The following GALNT12 variants were observed in gnomAD, a reference collection of about 807,000 sequenced individuals.
The protein encoded by GALNT12 is polypeptide N-acetylgalactosaminyltransferase 12.
GALNT12 carries 45 observed loss-of-function variants against 55.5 expected under a neutral mutation model. The observed-to-expected ratio is 0.81, with a 90% CI of 0.64 to 1.04. GALNT12 has a LOEUF of 1.04. GALNT12 is among the 50% of genes least tolerant of loss of function. GALNT12 has a pLI of 0.00. For synonymous variants in GALNT12, 304 were observed against 312.2 expected (o/e 0.97, Z 0.28); for missense variants, 709 against 754.8 (o/e 0.94, Z 0.71).
Position 98,849,150 on chromosome 9 carries a change from C to G in GALNT12, c.*58C>G. 6.3e-7 allele frequency: 1 copy of G among 1,591,066 alleles called. No homozygotes were observed. The highest frequency in any genetic ancestry group is 1.9e-4 in the Middle Eastern group (1 of 5,370). ...ACTGTGGAGCCAGGACTCTGCCCAA[C>G]AAAGACTTAGCTAAGCAGTGACCAG... On this transcript the variant is annotated 3_prime_UTR_variant, in exon 10 of 10. Coordinates refer to ENST00000375011, the MANE Select transcript of GALNT12 (RefSeq NM_024642.5).
intron 7 of GALNT12, among the ~76,000 whole-genome samples, chr9:98,842,643 A>G (rs1836317963): frequency 6.6e-6 from 1 of 152,094 alleles, no homozygotes; most frequent in African/African-American, 2.4e-5. Context: ...ATTTCCTGCC[A>G]TTCCTCCCAG....
chr9:98,814,809 T>C (rs1463079412), intron 1 of GALNT12, among the ~76,000 whole-genome samples: 1 of 152,196 alleles, frequency 6.6e-6, no homozygotes, highest in Non-Finnish European at 1.5e-5. Flanking sequence ...GTAGGGTTGT[T>C]AGGAAGGCTA....
At chr9:98,814,965 A>G (rs780054953) in intron 1 of GALNT12, among the ~76,000 whole-genome samples, 5 of 152,208 alleles carry the variant, frequency 3.3e-5, no homozygotes, top group Non-Finnish European at 7.4e-5. Flanking sequence ...TACAAAGCAC[A>G]TGCAATATAC....
intron 5 of GALNT12, among the ~76,000 whole-genome samples, chr9:98,836,460 C>G (rs1019265491): frequency 6.6e-6 from 1 of 152,118 alleles, no homozygotes; most frequent in Non-Finnish European, 1.5e-5. Context: ...GGCTGTCAGT[C>G]CCAGTGTGAG....
chr9:98,807,912 G>T lies in GALNT12; in HGVS notation c.214G>T (p.Ala72Ser), dbSNP rs1439506011. 1.2e-4 allele frequency: 143 copies of T among 1,212,172 alleles called. No homozygotes were observed. Among genetic ancestry groups the T allele is most frequent in the Non-Finnish European group, 1.4e-4 (141 of 974,700 alleles). The allele number at this position is 1,212,172 out of a possible 1,614,324, so 75.1% of individuals were successfully genotyped here. Residue 72 changes from alanine (A) to serine (S), a missense_variant, in exon 1 of 10, where the codon GCG becomes TCG. Transcript: ENST00000375011. ...GGTCATGCCGCGGCCGCCGGTGCCG[G>T]CGAACGCGCTGGGCGCGCGGGGCGA... Reference protein sequence around the residue: ...EPVMPRPPVPANALGARGEAV... With the variant: ...EPVMPRPPVPSNALGARGEAV...
chr9:98,845,750 G>C (rs745355295), intron 8 of GALNT12, among the ~76,000 whole-genome samples: 4 of 152,134 alleles, frequency 2.6e-5, no homozygotes, highest in Non-Finnish European at 4.4e-5. Flanking sequence ...TAGCAAGCTG[G>C]GCAGGCATGG....
At chr9:98,824,894 G>A (rs1217147927) in intron 2 of GALNT12, among the ~76,000 whole-genome samples, 2 of 152,158 alleles carry the variant, frequency 1.3e-5, no homozygotes, top group African/African-American at 2.4e-5. Flanking sequence ...TCCCCCCAGG[G>A]TCGTTTTAAA....
chr9:98,809,579 A>C (rs1172929885), intron 1 of GALNT12, among the ~76,000 whole-genome samples: 1 of 152,222 alleles, frequency 6.6e-6, no homozygotes, highest in Admixed American at 6.5e-5. Context: ...AAACTCATAA[A>C]AGTGAGTCTC....
chr9:98,832,040 G>A (rs1033777351), intron 4 of GALNT12, 83 bp downstream of exon 4: 1 of 1,213,516 alleles, frequency 8.2e-7, no homozygotes, highest in Non-Finnish European at 1.2e-6. Context: ...GCCCTCGGGA[G>A]GAATGGTTAG....
chr9:98,836,889 G>A, intron 5 of GALNT12, 83 bp from the exon 6 acceptor site: 2 of 1,457,144 alleles, frequency 1.4e-6, no homozygotes, highest in Admixed American at 1.7e-5. Flanking sequence ...CCTTGCGTGT[G>A]CCTGGCCTCT....
At chr9:98,817,716 C>G (rs1444482883) in intron 1 of GALNT12, among the ~76,000 whole-genome samples, 1 of 152,110 alleles carries the variant, frequency 6.6e-6, no homozygotes, top group Non-Finnish European at 1.5e-5. Context: ...CCCGCCTCAG[C>G]CTCCCAAAGT....
At chr9:98,817,028 T>A (rs992850417) in intron 1 of GALNT12, among the ~76,000 whole-genome samples, 1 of 151,952 alleles carries the variant, frequency 6.6e-6, no homozygotes, top group Non-Finnish European at 1.5e-5. Context: ...GGGTTTCACC[T>A]TGTTAGCCAG....
At chr9:98,818,228 A>T (rs927393829) in intron 1 of GALNT12, among the ~76,000 whole-genome samples, 3 of 144,660 alleles carry the variant, frequency 2.1e-5, no homozygotes, top group East Asian at 4.0e-4. Flanking sequence ...CCAACTTATT[A>T]TTTTTTTTTT....
rs1835863710 is a variant in GALNT12, at chr9:98,826,741, T to G, written c.542-11T>G. 4 of 1,609,788 alleles carry G rather than the reference T, an allele frequency of 2.5e-6. No homozygotes were observed. The South Asian group carries it at 4.4e-5, about 18-fold the overall frequency. ...TCACGGTGACCCCTGTTGCTTTGTT[T>G]GCCTCCCTAGAGCACCTGAAGGAGC... On this transcript the variant is annotated splice_polypyrimidine_tract_variant and intron_variant, in intron 2 of 9. Coordinates refer to ENST00000375011, the MANE Select transcript of GALNT12 (RefSeq NM_024642.5).
intron 1 of GALNT12, among the ~76,000 whole-genome samples, chr9:98,811,002 G>A (rs1835483951): frequency 6.6e-6 from 1 of 152,130 alleles, no homozygotes. Context: ...GTCAAAGTGG[G>A]GAGACAGATA....
Position 98,823,338 on chromosome 9 carries a change from C to T in GALNT12, c.454C>T (p.Leu152Phe). The T allele has an allele frequency of 1.2e-6, 2 of 1,612,824 alleles. No homozygotes were observed. Among genetic ancestry groups the T allele is most frequent in the African/African-American group, 1.3e-5 (1 of 75,036 alleles). ...IAFYNEAWST[L>F]LRTVYSVLET... ...ATTTTATAATGAAGCCTGGTCAACT[C>T]TCCTTCGGACAGTTTACAGTGTCCT... Residue 152 changes from leucine (L) to phenylalanine (F), a missense_variant, in exon 2 of 10, where the codon CTC becomes TTC. Physicochemically the swap from Leu to Phe is conservative, Grantham distance 22. Around this residue, in one of 5 missense-constraint regions of GALNT12, gnomAD observed 315 missense variants for 288.6 expected, o/e 1.09. Coordinates refer to ENST00000375011, the MANE Select transcript of GALNT12 (RefSeq NM_024642.5).
intron 3 of GALNT12, 76 bp downstream of exon 3, chr9:98,827,017 C>A: frequency 6.8e-7 from 1 of 1,466,640 alleles, no homozygotes; most frequent in Non-Finnish European, 9.3e-7. Flanking sequence ...CTCATCACGT[C>A]ACTTGAGGGT....
chr9:98,831,525 CAG>C (rs1476204278), intron 3 of GALNT12, among the ~76,000 whole-genome samples: 1 of 152,180 alleles, frequency 6.6e-6, no homozygotes, highest in African/African-American at 2.4e-5. Context: ...TGGATAGAAT[CAG>C]AGCATATTAA....
chr9:98,830,577 A>G (rs193003492), intron 3 of GALNT12, among the ~76,000 whole-genome samples: 112 of 152,370 alleles, frequency 7.4e-4, no homozygotes, highest in Non-Finnish European at 1.4e-3. Flanking sequence ...ATCACAAGCC[A>G]TCAGTTCCTG....
Sources: gnomAD v4.1 joint callset for allele counts (sites outside exome capture counted in the v4.1 genomes callset) on GRCh38, gnomAD v4.1.1 for gene constraint, gnomAD v4.1.1 regional missense constraint, MANE v1.5 for transcripts, NCBI Gene and HGNC (gene_info 2026-07-23, HGNC 2026-07-21) for gene names.